The following DDB2 variants were observed in gnomAD, a reference collection of about 807,000 sequenced individuals.
DDB2 encodes the protein DNA damage-binding protein 2.
DDB2 carries 27 observed loss-of-function variants against 50.5 expected under a neutral mutation model. That is an observed-to-expected ratio of 0.53 (90% confidence interval 0.39 to 0.74). The LOEUF is 0.74. DDB2 is among the 30% of genes least tolerant of loss of function. The pLI is 0.00. For missense variants in DDB2, 424 were observed against 545.6 expected (o/e 0.78, Z 2.22); for synonymous variants, 176 against 205.5 (o/e 0.86, Z 1.23).
In DDB2 at chr11:47,238,173, C is replaced by G. The variant is rs766586298; in HGVS notation, c.1224C>G (p.Ala408=). ...TCAATCCCATGGGGGACACGCTGGC[C>G]TCTGCAATGGGTGAGTAGGAGGAGA... The part of the protein sequence containing the change: ...NEFNPMGDTL[A]SAMGYHILIW... The change falls in exon 9 of 10, where the codon GCC becomes GCG. Residue 408 remains alanine (A), a synonymous_variant. Coordinates refer to ENST00000256996, the MANE Select transcript of DDB2 (RefSeq NM_000107.3). The G allele has an allele frequency of 4.3e-6, 7 of 1,611,242 alleles. No individual in the cohort carries two copies. Among genetic ancestry groups the G allele is most frequent in the Non-Finnish European group, 5.9e-6 (7 of 1,178,718 alleles).
intron 1 of DDB2, 192 bp downstream of exon 1, chr11:47,215,455 G>A: frequency 2.9e-6 from 2 of 698,558 alleles, no homozygotes; most frequent in East Asian, 2.8e-5. Flanking sequence ...CTAGGTAACA[G>A]GAAGCAGATG....
rs2291120 is a variant in DDB2 at position 47,216,129 on chromosome 11, T to C, written c.128-207T>C. On this transcript the variant is annotated intron_variant, in intron 1 of 9. Coordinates refer to ENST00000256996, the MANE Select transcript of DDB2 (RefSeq NM_000107.3). ...TTACTTTCACTTCAGACTTACTGTT[T>C]GTGGGAGTGTTTTGGGGAAGGGGCC... 86,534 of 746,076 alleles carry C rather than the reference T, an allele frequency of 0.12. 5,741 individuals carry two copies. The highest frequency in any genetic ancestry group is 0.16 in the Admixed American group (8,518 of 53,896). 46.2% of individuals were successfully genotyped at this position (746,076 alleles called of 1,614,324 possible). A position where few individuals can be genotyped will look rare whatever the true frequency, so the allele number is the denominator to read the frequency against.
In DDB2 at chr11:47,215,244, G is replaced by T; in HGVS notation, c.108G>T (p.Lys36Asn). Residue 36 changes from lysine to asparagine, a missense_variant, in exon 1 of 10, where the codon AAG becomes AAT. Lys to Asn is a moderately conservative substitution (Grantham distance 94). Coordinates refer to ENST00000256996, the MANE Select transcript of DDB2 (RefSeq NM_000107.3). Reference protein sequence around the residue: ...SPLELEPEAKKLCAKGSGPSR... With the variant: ...SPLELEPEAKNLCAKGSGPSR... The stretch of plus-strand genomic sequence containing the variant: ...TGGAGCTGGAGCCCGAGGCCAAGAA[G>T]CTCTGTGCGAAGGGCTCCGGTACTG... The T allele has an allele frequency of 1.2e-6, 2 of 1,613,978 alleles. No homozygotes were observed. The highest frequency in any genetic ancestry group is 1.7e-6 in the Non-Finnish European group (2 of 1,180,006).
At chr11:47,221,327 G>GCAA (rs1953481769) in intron 3 of DDB2, among the ~76,000 whole-genome samples, 1 of 151,026 alleles carries the variant, frequency 6.6e-6, no homozygotes, top group Non-Finnish European at 1.5e-5. Flanking sequence ...AGGCTGGAGT[G>GCAA]CAGTGGTGCG....
intron 4 of DDB2, among the ~76,000 whole-genome samples, chr11:47,233,866 G>A (rs74738435): frequency 0.011 from 1,700 of 152,206 alleles, 32 homozygotes; most frequent in African/African-American, 0.038. Flanking sequence ...GAGTGCATGC[G>A]CACGCAAATC....
At chr11:47,232,284 C>T (rs1425605025) in intron 3 of DDB2, among the ~76,000 whole-genome samples, 2 of 151,760 alleles carry the variant, frequency 1.3e-5, no homozygotes, top group Non-Finnish European at 2.9e-5. Flanking sequence ...GCAGAGGTTG[C>T]AGTGAGCCGA....
At position 47,216,489 on chromosome 11, in the gene DDB2, C is replaced by T. The variant is rs772461740; in HGVS notation, c.264+17C>T. The stretch of plus-strand genomic sequence containing the variant: ...GTCCAGCAGGTAAGGCATTTTTTGC[C>T]TCAAGTCCTCAAGGGTTTACACGTG... On this transcript the variant is annotated intron_variant, in intron 2 of 9. Transcript: ENST00000256996. 2.5e-6 allele frequency: 4 copies of T among 1,612,344 alleles called. No individual in the cohort carries two copies. The highest frequency in any genetic ancestry group is 2.2e-5 in the East Asian group (1 of 44,874).
intron 7 of DDB2, 72 bp from the exon 8 acceptor site, chr11:47,237,765 C>A: frequency 6.8e-7 from 1 of 1,478,204 alleles, no homozygotes; most frequent in Non-Finnish European, 9.5e-7. Flanking sequence ...CCTCTTTGTT[C>A]ATATTTGTTT....
chr11:47,234,972 G>A (rs563180327), intron 6 of DDB2, 38 bp downstream of exon 6: 2 of 1,609,954 alleles, frequency 1.2e-6, no homozygotes, highest in Admixed American at 1.7e-5. Flanking sequence ...TGCAGACCCT[G>A]CCTGTCTGAC....
chr11:47,217,298 C>G (rs1310490243), intron 3 of DDB2: 1 of 381,930 alleles, frequency 2.6e-6, no homozygotes, highest in African/African-American at 2.1e-5. Context: ...ATTGCTTGAA[C>G]CCGGGAGGCA....
At chr11:47,217,172 T>TCGAGG in intron 3 of DDB2, 123 bp downstream of exon 3, 1 of 792,248 alleles carries the variant, frequency 1.3e-6, no homozygotes. Context: ...GGTATGGAGT[T>TCGAGG]TGAGACCAGC....
In DDB2 at chr11:47,238,128, G is replaced by T. The variant is rs1204254353; in HGVS notation, c.1189-10G>T. 2 of 1,612,828 alleles carry T rather than the reference G, an allele frequency of 1.2e-6. No homozygotes were observed. Among genetic ancestry groups the T allele is most frequent in the Non-Finnish European group, 8.5e-7 (1 of 1,179,378 alleles). ...ACCCTCTCCTCATGTTGACACTCTTGTCTCTGCAGCTTAATGAATTCAATC... is the reference window on the plus strand; with the variant it reads ...ACCCTCTCCTCATGTTGACACTCTTTTCTCTGCAGCTTAATGAATTCAATC... On this transcript the variant is annotated splice_polypyrimidine_tract_variant and intron_variant, in intron 8 of 9. Transcript: ENST00000256996.
At chr11:47,229,676 T>C (rs1953614868) in intron 3 of DDB2, 1 of 297,798 alleles carries the variant, frequency 3.4e-6, no homozygotes, top group African/African-American at 2.3e-5. Context: ...TGACTTTGAA[T>C]TGAAGACATT....
At chr11:47,234,165 G>A (rs561910591) in intron 4 of DDB2, among the ~76,000 whole-genome samples, 1 of 152,270 alleles carries the variant, frequency 6.6e-6, no homozygotes, top group Non-Finnish European at 1.5e-5. Flanking sequence ...GAGGAACAGG[G>A]CCAGGCAATC....
chr11:47,226,904 G>T (rs1271747600), intron 3 of DDB2, among the ~76,000 whole-genome samples: 2 of 151,622 alleles, frequency 1.3e-5, no homozygotes, highest in Non-Finnish European at 2.9e-5. Flanking sequence ...ATCATACCTT[G>T]CTAACTTTGT....
chr11:47,238,244 G>T lies in DDB2; in HGVS notation c.1234+61G>T, dbSNP rs1466991227. The T allele has an allele frequency of 2.0e-5, 30 of 1,484,136 alleles. 1 individual carries two copies. In the South Asian group the frequency reaches 3.6e-4, roughly 18 times the overall value. The allele number at this position is 1,484,136 out of a possible 1,614,324, so 91.9% of individuals were successfully genotyped here. On this transcript the variant is annotated intron_variant, in intron 9 of 9. Transcript: ENST00000256996. ...CCGATCCTACTTCCCAAGGTTCAGT[G>T]CGGGCCAGCCTCAGCCCCGCCCTGC...
intron 3 of DDB2, 79 bp from the exon 4 acceptor site, chr11:47,232,735 G>A (rs1013187067): frequency 2.0e-6 from 3 of 1,536,890 alleles, no homozygotes; most frequent in East Asian, 2.2e-5. Flanking sequence ...TTCTGTGACG[G>A]CGCAGCATGT....
chr11:47,219,387 G>A (rs1953449899), intron 3 of DDB2, among the ~76,000 whole-genome samples: 1 of 145,102 alleles, frequency 6.9e-6, no homozygotes, highest in Non-Finnish European at 1.5e-5. Flanking sequence ...TATTTTTTGA[G>A]TCTCATTCTG....
intron 3 of DDB2, among the ~76,000 whole-genome samples, chr11:47,223,300 CATG>C (rs1382117380): frequency 6.6e-6 from 1 of 152,086 alleles, no homozygotes. Context: ...GCCTGGCTAA[CATG>C]GTGAAACCCC....
Sources: allele counts gnomAD v4.1 joint callset (sites outside exome capture counted in the v4.1 genomes callset), GRCh38; gene constraint gnomAD v4.1.1; transcripts MANE v1.5; gene names NCBI Gene and HGNC (gene_info 2026-07-23, HGNC 2026-07-21).